The following LMBRD2 variants were observed in gnomAD, a reference collection of about 807,000 sequenced individuals.
LMBRD2 encodes the protein LMBR1 domain containing 2.
A neutral mutation model predicts 94.4 loss-of-function variants in LMBRD2; 55 were observed. That is an observed-to-expected ratio of 0.58 (90% CI 0.47 to 0.73). LMBRD2 has a LOEUF of 0.73. LMBRD2 is among the 30% of genes least tolerant of loss of function. The pLI, the probability that LMBRD2 is intolerant of heterozygous loss-of-function variation, is 0.00. For synonymous variants in LMBRD2, 246 were observed against 272.4 expected, an observed-to-expected ratio of 0.90 and a Z score of 0.95; for missense variants, 640 against 831.9, an observed-to-expected ratio of 0.77 and a Z score of 2.84.
At chr5:36,113,517 A>G (rs939450270) in intron 13 of LMBRD2, among the ~76,000 whole-genome samples, 1 of 152,118 alleles carries the variant, frequency 6.6e-6, no homozygotes, top group Non-Finnish European at 1.5e-5. Flanking sequence ...TAGTTATTTT[A>G]CTTATAAGAA....
chr5:36,117,492 A>C lies in LMBRD2; in HGVS notation c.1302+243T>G, dbSNP rs191586400. On this transcript the variant is annotated intron_variant, in intron 10 of 17. Coordinates refer to ENST00000296603, the MANE Select transcript of LMBRD2 (RefSeq NM_001007527.2). ...GAGCAAGATTCTGCCTCCAAAAAAA[A>C]CAGAAAGAAAAAAAAAATCTCAGAT... Among the ~76,000 whole-genome samples, 10 of 152,186 alleles carry C rather than the reference A, an allele frequency of 6.6e-5. No homozygotes were observed. In the East Asian group the frequency reaches 1.9e-3, roughly 29 times the overall value.
At position 36,148,635 on chromosome 5, in the gene LMBRD2, A is replaced by C. The variant is rs188401993; in HGVS notation, c.-58+2921T>G. On this transcript the variant is annotated intron_variant, in intron 1 of 17. Transcript: ENST00000296603. ...TTTATCAAATTAGACCTCACAACCT[A>C]GTAAGAAAGGGCTGTTCGTTTCCTT... is the stretch of plus-strand genomic sequence containing the variant. Among the ~76,000 whole-genome samples the C allele has an allele frequency of 2.1e-3, 317 of 152,314 alleles. 1 individual carries two copies. Among genetic ancestry groups the C allele is most frequent in the African/African-American group, 7.3e-3 (302 of 41,554 alleles).
chr5:36,133,327 C>A (rs971199582), intron 6 of LMBRD2, among the ~76,000 whole-genome samples: 1 of 149,752 alleles, frequency 6.7e-6, no homozygotes, highest in Non-Finnish European at 1.5e-5. Context: ...CATGTTCCCA[C>A]TTATTTACGG....
rs760336907 is a variant in LMBRD2, at chr5:36,114,423, C to A, written c.1640+1G>T. On this transcript the variant is annotated splice_donor_variant, in intron 13 of 17. Transcript: ENST00000296603. LOFTEE classifies it high-confidence loss of function. ...AGAAAAAACAATGTTAAGTTTCTTA[C>A]CTAAAATAAGTAGCAATGCAGAGAA... The A allele has an allele frequency of 1.3e-6, 2 of 1,555,572 alleles. No homozygotes were observed. The highest frequency in any genetic ancestry group is 1.4e-5 in the African/African-American group (1 of 70,438).
intron 6 of LMBRD2, among the ~76,000 whole-genome samples, chr5:36,131,176 T>C (rs561804375): frequency 6.6e-6 from 1 of 152,114 alleles, no homozygotes; most frequent in Non-Finnish European, 1.5e-5. Context: ...CAAGAATGGT[T>C]TGACATATGC....
chr5:36,138,987 C>G (rs570085583), intron 4 of LMBRD2, among the ~76,000 whole-genome samples: 1 of 152,278 alleles, frequency 6.6e-6, no homozygotes, highest in African/African-American at 2.4e-5. Flanking sequence ...ACTGTGCACT[C>G]CATGGAGCTA....
At chr5:36,106,523 T>G (rs1743474763) in intron 16 of LMBRD2, among the ~76,000 whole-genome samples, 1 of 148,616 alleles carries the variant, frequency 6.7e-6, no homozygotes, top group Non-Finnish European at 1.5e-5. Flanking sequence ...TTTTTTTTTT[T>G]TTTTTTGATG....
At chr5:36,148,370 C>T (rs71617744) in intron 1 of LMBRD2, among the ~76,000 whole-genome samples, 13,041 of 152,052 alleles carry the variant, frequency 0.086, 705 homozygotes, top group African/African-American at 0.13. Flanking sequence ...TACTGTCCTG[C>T]TTTACCTTTT....
chr5:36,140,881 A>G (rs1031862457), intron 4 of LMBRD2, among the ~76,000 whole-genome samples: 1 of 152,200 alleles, frequency 6.6e-6, no homozygotes, highest in Admixed American at 6.5e-5. Context: ...TTTCTCTTGC[A>G]ATGTTCAGTG....
chr5:36,122,485 G>C (rs756131381), intron 8 of LMBRD2, 22 bp from the exon 9 acceptor site: 1 of 1,597,234 alleles, frequency 6.3e-7, no homozygotes, highest in Non-Finnish European at 8.6e-7. Flanking sequence ...AATGGGGGTA[G>C]ACCTGGCAGT....
intron 6 of LMBRD2, among the ~76,000 whole-genome samples, chr5:36,133,440 G>C (rs902241924): frequency 2.0e-5 from 3 of 152,086 alleles, no homozygotes; most frequent in African/African-American, 7.2e-5. Flanking sequence ...TGATAGAACA[G>C]GGTGACTACA....
intron 4 of LMBRD2, among the ~76,000 whole-genome samples, chr5:36,138,388 T>C (rs1201254882): frequency 6.6e-6 from 1 of 152,178 alleles, no homozygotes; most frequent in Non-Finnish European, 1.5e-5. Flanking sequence ...AAGAACAGAA[T>C]ACTGATACAT....
chr5:36,120,136 G>T (rs1369584156), intron 9 of LMBRD2, among the ~76,000 whole-genome samples: 2 of 149,872 alleles, frequency 1.3e-5, no homozygotes, highest in Non-Finnish European at 3.0e-5. Context: ...TTGGCTCACT[G>T]CAACCTCTGC....
Position 36,104,976 on chromosome 5 carries a change from C to T in LMBRD2, c.2027+92G>A, listed in dbSNP as rs113074379. 5,851 of 1,231,862 alleles carry T rather than the reference C, an allele frequency of 4.7e-3. 22 individuals are homozygous for T. The highest frequency in any genetic ancestry group is 5.8e-3 in the Non-Finnish European group (5,156 of 885,062). 76.3% of individuals were successfully genotyped at this position (1,231,862 alleles called of 1,614,324 possible). A position where few individuals can be genotyped will look rare whatever the true frequency, so the allele number is the denominator to read the frequency against. ...TTTACTTATCACTTGTTTACTTTCACCTTTACTTACTTATTTTCAATCTTG... is the reference window on the plus strand; with the variant it reads ...TTTACTTATCACTTGTTTACTTTCATCTTTACTTACTTATTTTCAATCTTG... On this transcript the variant is annotated intron_variant, in intron 17 of 17. Coordinates refer to ENST00000296603, the MANE Select transcript of LMBRD2 (RefSeq NM_001007527.2).
chr5:36,127,129 G>A (rs1480197592), intron 6 of LMBRD2, among the ~76,000 whole-genome samples: 1 of 152,216 alleles, frequency 6.6e-6, no homozygotes, highest in Non-Finnish European at 1.5e-5. Context: ...AAAGTCAGTA[G>A]AATAGGAATT....
Position 36,117,771 on chromosome 5 carries a change from C to T in LMBRD2, c.1266G>A (p.Gln422=), listed in dbSNP as rs1743792934. The T allele has an allele frequency of 6.2e-7, 1 of 1,609,400 alleles. No homozygotes were observed. Among genetic ancestry groups the T allele is most frequent in the Non-Finnish European group, 8.5e-7 (1 of 1,178,586 alleles). The change falls in exon 10 of 18, where the codon CAG becomes CAA. Residue 422 remains glutamine (Q), a synonymous_variant. Transcript: ENST00000296603. ...PVLSLFAVFI[Q]LAEKTYNYIY... ...TATAATTATATGTTTTTTCTGCCAG[C>T]TGTATGAAGACCGCAAAGAGGGATA... is the stretch of plus-strand genomic sequence containing the variant.
At chr5:36,123,752 T>C (rs1282476391) in intron 7 of LMBRD2, among the ~76,000 whole-genome samples, 1 of 150,450 alleles carries the variant, frequency 6.6e-6, no homozygotes, top group Non-Finnish European at 1.5e-5. Context: ...TAGTATAGTT[T>C]ATTAAATGTC....
chr5:36,124,176 A>G lies in LMBRD2; in HGVS notation c.822+15T>C, dbSNP rs758686022. 3 of 1,424,254 alleles carry G rather than the reference A, an allele frequency of 2.1e-6. No homozygotes were observed. The South Asian group carries it at 3.6e-5, about 17-fold the overall frequency. 88.2% of individuals were successfully genotyped at this position (1,424,254 alleles called of 1,614,324 possible). The stretch of plus-strand genomic sequence containing the variant: ...TGTATATTTCAAAAGGAAACAGACA[A>G]GATGATTTCATTACCTTTTTAAGTA... On this transcript the variant is annotated intron_variant, in intron 7 of 17. Coordinates refer to ENST00000296603, the MANE Select transcript of LMBRD2 (RefSeq NM_001007527.2).
At chr5:36,114,278 C>A in intron 13 of LMBRD2, 146 bp downstream of exon 13, 1 of 873,986 alleles carries the variant, frequency 1.1e-6, no homozygotes, top group African/African-American at 1.8e-5. Context: ...CCTGATCACT[C>A]AAGTAGTCCC....
Sources: allele counts gnomAD v4.1 joint callset (sites outside exome capture counted in the v4.1 genomes callset), GRCh38; gene constraint gnomAD v4.1.1; transcripts MANE v1.5; gene names NCBI Gene and HGNC (gene_info 2026-07-23, HGNC 2026-07-21).